Variants in CELF2 observed in about 807,000 individuals in gnomAD.
The protein encoded by CELF2 is CUGBP Elav-like family member 2.
A neutral mutation model predicts 62.6 loss-of-function variants in CELF2; 8 were observed. The ratio of observed to expected loss-of-function variants is 0.13; its 90% CI spans 0.07 to 0.23. CELF2 has a LOEUF of 0.23. Among genes scored for constraint, CELF2 ranks in the 10% least tolerant of loss-of-function variants. The pLI is 1.00. For synonymous variants in CELF2, 258 were observed against 250.0 expected (o/e 1.03, Z -0.30); for missense variants, 333 against 671.0 (o/e 0.50, Z 5.56).
the CELF2 span, among the ~76,000 whole-genome samples, chr10:10,556,840 A>T: frequency 6.6e-6 from 1 of 150,690 alleles, no homozygotes; most frequent in Non-Finnish European, 1.5e-5. Context: ...TCTTTTGAGA[A>T]GTGTCTGTTC....
chr10:11,093,359 G>A (rs571437546), intron 1 of CELF2, among the ~76,000 whole-genome samples: 2 of 152,192 alleles, frequency 1.3e-5, no homozygotes, highest in South Asian at 4.2e-4. Flanking sequence ...ACACCTCAGG[G>A]TATTTCTGTC....
Position 11,255,554 on chromosome 10 carries a change from C to T in CELF2, c.404-2184C>T, listed in dbSNP as rs975531474. The stretch of plus-strand genomic sequence containing the variant: ...AGCCTTTCTCAAACACCTGGGTGCA[C>T]GATTCGTAGTTTACAAGTATTGTGG... On this transcript the variant is annotated intron_variant, in intron 4 of 12. Transcript: ENST00000633077. This position sits in a 1 kb window ranked among gnomAD's most constrained non-coding sequence, Gnocchi z 5.5. Among the ~76,000 whole-genome samples, 1 of 152,178 alleles carries T rather than the reference C, an allele frequency of 6.6e-6. No individual in the cohort carries two copies. Among genetic ancestry groups the T allele is most frequent in the Non-Finnish European group, 1.5e-5 (1 of 68,038 alleles).
intron 1 of CELF2, among the ~76,000 whole-genome samples, chr10:10,873,306 C>T (rs779307104): frequency 1.2e-4 from 18 of 152,018 alleles, no homozygotes; most frequent in Non-Finnish European, 2.2e-4. Context: ...TAATACGAGC[C>T]GTACCTTGTT....
chr10:11,089,730 A>G (rs1174174277), intron 1 of CELF2, among the ~76,000 whole-genome samples: 1 of 152,230 alleles, frequency 6.6e-6, no homozygotes, highest in East Asian at 1.9e-4. Flanking sequence ...ATGCCCTCAT[A>G]TGTTCATCAC....
the CELF2 span, among the ~76,000 whole-genome samples, chr10:10,756,481 G>T: frequency 6.6e-6 from 1 of 152,038 alleles, no homozygotes; most frequent in African/African-American, 2.4e-5. Flanking sequence ...AAATAAAACT[G>T]CATTAAATGT....
At chr10:10,580,307 C>T in the CELF2 span, among the ~76,000 whole-genome samples, 1 of 152,048 alleles carries the variant, frequency 6.6e-6, no homozygotes. Context: ...GTGCACTTTG[C>T]AAGAGAGAGT....
At chr10:10,828,690 A>G (rs905360594) in intron 1 of CELF2, among the ~76,000 whole-genome samples, 2 of 103,316 alleles carry the variant, frequency 1.9e-5, no homozygotes, top group Non-Finnish European at 4.0e-5. Flanking sequence ...ATCAACAGAT[A>G]AAATGGATTT....
At chr10:11,166,300 T>A (rs1255528948) in intron 2 of CELF2, among the ~76,000 whole-genome samples, 5 of 152,120 alleles carry the variant, frequency 3.3e-5, no homozygotes, top group African/African-American at 1.2e-4. Flanking sequence ...CACAAATGCT[T>A]GAGGGTTACG....
intron 1 of CELF2, among the ~76,000 whole-genome samples, chr10:10,868,550 A>G (rs1234264374): frequency 6.6e-6 from 1 of 152,198 alleles, no homozygotes; most frequent in Non-Finnish European, 1.5e-5. Flanking sequence ...TAAAGAAATA[A>G]ACTCTAGCCC....
At chr10:10,708,025 A>G in the CELF2 span, among the ~76,000 whole-genome samples, 4 of 152,234 alleles carry the variant, frequency 2.6e-5, no homozygotes, top group Non-Finnish European at 2.9e-5. Flanking sequence ...GTGACATTTC[A>G]CCAATTATTG....
intron 1 of CELF2, among the ~76,000 whole-genome samples, chr10:11,138,149 A>G (rs1595968278): frequency 6.6e-6 from 1 of 152,256 alleles, no homozygotes; most frequent in Non-Finnish European, 1.5e-5. Context: ...ATGTGAAACT[A>G]TATGGAAACA....
the CELF2 span, among the ~76,000 whole-genome samples, chr10:10,542,470 C>T: frequency 2.0e-5 from 3 of 152,312 alleles, no homozygotes; most frequent in Non-Finnish European, 4.4e-5. Context: ...AGGCAGCCAC[C>T]ATCTCTTGCT....
intron 1 of CELF2, among the ~76,000 whole-genome samples, chr10:10,888,621 G>A (rs942397693): frequency 6.6e-6 from 1 of 152,130 alleles, no homozygotes; most frequent in Non-Finnish European, 1.5e-5. Flanking sequence ...TGAGCCTAGG[G>A]CTGAAGCCTT....
the CELF2 span, among the ~76,000 whole-genome samples, chr10:10,546,648 G>C: frequency 2.0e-5 from 3 of 152,228 alleles, no homozygotes; most frequent in Non-Finnish European, 2.9e-5. Context: ...CTGGTCAAGA[G>C]CACAATACTT....
At chr10:10,559,537 A>T in the CELF2 span, among the ~76,000 whole-genome samples, 1 of 152,212 alleles carries the variant, frequency 6.6e-6, no homozygotes, top group Non-Finnish European at 1.5e-5. Flanking sequence ...TGGGTAAGAT[A>T]GTGCTGATGT....
intron 1 of CELF2, among the ~76,000 whole-genome samples, chr10:10,881,737 C>G (rs2061448195): frequency 7.9e-6 from 1 of 126,170 alleles, no homozygotes; most frequent in Admixed American, 8.0e-5. Context: ...CCACCCGGTG[C>G]TGCTAGAATC....
intron 2 of CELF2, among the ~76,000 whole-genome samples, chr10:11,187,227 A>G (rs1243971040): frequency 1.3e-5 from 2 of 152,108 alleles, no homozygotes; most frequent in African/African-American, 4.8e-5. Context: ...TTTGATGAAT[A>G]GATATTTAGA....
rs1207732796 is a variant in CELF2, at chr10:10,990,971, G to A, written c.89+70972G>A. Among the ~76,000 whole-genome samples, 3 of 150,060 alleles carry A rather than the reference G, an allele frequency of 2.0e-5. No homozygotes were observed. The highest frequency in any genetic ancestry group is 7.3e-5 in the African/African-American group (3 of 40,926). Reference sequence around the variant, plus strand: ...GCATCTTTTTGAGGTTCTTTTGCGTGTGTGTGTGTGTGTGTGTGCCCACAC... The same window carrying A: ...GCATCTTTTTGAGGTTCTTTTGCGTATGTGTGTGTGTGTGTGTGCCCACAC... On this transcript the variant is annotated intron_variant, in intron 2 of 13. Coordinates refer to the CELF2 transcript ENST00000636488. This position sits in a 1 kb window ranked among gnomAD's most constrained non-coding sequence, Gnocchi z 4.6.
chr10:10,650,248 C>A, the CELF2 span, among the ~76,000 whole-genome samples: 3 of 152,182 alleles, frequency 2.0e-5, no homozygotes, highest in South Asian at 6.2e-4. Context: ...TTGAAATTAT[C>A]ATGAGCATTG....
Sources: gnomAD v4.1 joint callset for allele counts (sites outside exome capture counted in the v4.1 genomes callset) on GRCh38, gnomAD v4.1.1 for gene constraint, Gnocchi (gnomAD v3.1) non-coding constraint, MANE v1.5 for transcripts, NCBI Gene and HGNC (gene_info 2026-07-23, HGNC 2026-07-21) for gene names.